The following KCNAB1 variants were observed in gnomAD, a reference collection of about 807,000 sequenced individuals.
KCNAB1 encodes the protein potassium voltage-gated channel subfamily A regulatory beta subunit 1, also known as voltage-gated potassium channel subunit beta-1.
A neutral mutation model predicts 64.6 loss-of-function variants in KCNAB1; 35 were observed. That is an observed-to-expected ratio of 0.54 (90% CI 0.41 to 0.72). The LOEUF (loss-of-function observed/expected upper bound fraction) is 0.72. Among genes scored for constraint, KCNAB1 ranks in the 30% least tolerant of loss-of-function variants. The probability of loss-of-function intolerance (pLI) is 0.00; values close to 1 mark genes in which losing one functional copy is unlikely to be tolerated. For synonymous variants in KCNAB1, 177 were observed against 183.8 expected (o/e 0.96, Z 0.30); for missense variants, 401 against 512.9 (o/e 0.78, Z 2.11).
intron 1 of KCNAB1, among the ~76,000 whole-genome samples, chr3:156,363,422 A>G (rs1725737844): frequency 6.6e-6 from 1 of 152,172 alleles, no homozygotes; most frequent in African/African-American, 2.4e-5. Flanking sequence ...CTGATCAAGC[A>G]TATTGCTTAA....
chr3:156,227,512 T>G (rs981389085), intron 1 of KCNAB1, among the ~76,000 whole-genome samples: 4 of 152,252 alleles, frequency 2.6e-5, no homozygotes, highest in Admixed American at 2.6e-4. Flanking sequence ...TGTACTATTT[T>G]TATATGCAAA....
At chr3:156,247,579 G>A (rs1375981861) in intron 1 of KCNAB1, among the ~76,000 whole-genome samples, 3 of 151,936 alleles carry the variant, frequency 2.0e-5, no homozygotes, top group Non-Finnish European at 4.4e-5. Context: ...GCGGGGGAGA[G>A]GAAGATAGTG....
chr3:156,507,204 C>G (rs1716885058), intron 8 of KCNAB1, among the ~76,000 whole-genome samples: 1 of 152,186 alleles, frequency 6.6e-6, no homozygotes, highest in Non-Finnish European at 1.5e-5. Context: ...TCTTCCTCAA[C>G]AAAATGGGAT....
intron 12 of KCNAB1, 182 bp downstream of exon 12, chr3:156,524,129 T>G (rs1718134433): frequency 5.2e-6 from 3 of 571,772 alleles, no homozygotes; most frequent in Non-Finnish European, 8.7e-6. Context: ...TTCTACATGA[T>G]AGCAAATTTT....
chr3:156,152,956 C>A (rs370846176), intron 1 of KCNAB1, among the ~76,000 whole-genome samples: 1 of 152,276 alleles, frequency 6.6e-6, no homozygotes, highest in African/African-American at 2.4e-5. Context: ...TTCCTTTTGG[C>A]GCACTTATTT....
Position 156,425,286 on chromosome 3 carries a change from T to A in KCNAB1, c.319+3627T>A, listed in dbSNP as rs75504811. Among the ~76,000 whole-genome samples, 885 of 152,342 alleles carry A rather than the reference T, an allele frequency of 5.8e-3. 13 individuals are homozygous for A. Among genetic ancestry groups the A allele is most frequent in the African/African-American group, 0.02 (847 of 41,580 alleles). On this transcript the variant is annotated intron_variant, in intron 2 of 13. Coordinates refer to ENST00000490337, the MANE Select transcript of KCNAB1 (RefSeq NM_172160.3). ...AGCTAACAATTCTGACTTTCTTCTC[T>A]ACCAGAGAAGGGGCAGCCGGAAATT...
At position 156,536,805 on chromosome 3, in the gene KCNAB1, G is replaced by C; in HGVS notation, c.*58G>C. On this transcript the variant is annotated 3_prime_UTR_variant, in exon 14 of 14. Transcript: ENST00000490337. ...AAAATAGCGGCCTGTGCCCAGTACAGAAAGGTGTTACTAACCAGTCTTTTG... is the reference window on the plus strand; with the variant it reads ...AAAATAGCGGCCTGTGCCCAGTACACAAAGGTGTTACTAACCAGTCTTTTG... The C allele has an allele frequency of 8.4e-7, 1 of 1,190,054 alleles. No individual in the cohort carries two copies. The highest frequency in any genetic ancestry group is 1.3e-6 in the Non-Finnish European group (1 of 796,004). The allele number at this position is 1,190,054 out of a possible 1,614,324, so 73.7% of individuals were successfully genotyped here.
Position 156,200,826 on chromosome 3 carries a change from G to A in KCNAB1, c.275+79940G>A, listed in dbSNP as rs142486197. 4.1e-3 allele frequency among the ~76,000 whole-genome samples: 631 copies of A among 152,296 alleles called. 6 individuals carry two copies. The highest frequency in any genetic ancestry group is 5.0e-3 in the Admixed American group (77 of 15,290). ...CTTTTCCAGCGGAGTGAATGGTTCT[G>A]TTTTGCTATGGTTCCAGGTGCCACT... On this transcript the variant is annotated intron_variant, in intron 1 of 13. Coordinates refer to ENST00000490337, the MANE Select transcript of KCNAB1 (RefSeq NM_172160.3).
intron 9 of KCNAB1, 134 bp from the exon 10 acceptor site, chr3:156,514,966 T>C (rs998527003): frequency 3.7e-6 from 3 of 805,262 alleles, no homozygotes; most frequent in African/African-American, 3.5e-5. Context: ...ACAAATTTGC[T>C]TATTATTTGG....
In KCNAB1 at chr3:156,120,810, G is replaced by C. The variant is rs368292882; in HGVS notation, c.199G>C (p.Glu67Gln). Residue 67 changes from glutamate (E) to glutamine (Q), a missense_variant, in exon 1 of 14, where the codon GAG becomes CAG. Coordinates refer to ENST00000490337, the MANE Select transcript of KCNAB1 (RefSeq NM_172160.3). The stretch of plus-strand genomic sequence containing the variant: ...TCAACTGGCTCTGCTGCGCGAAGTG[G>C]AGATGAACTGGTACCTAAAGCTCTG... Reference protein sequence around the residue: ...ARQLALLREVEMNWYLKLCDL... With the variant: ...ARQLALLREVQMNWYLKLCDL... 1.9e-6 allele frequency: 3 copies of C among 1,614,134 alleles called. No individual in the cohort carries two copies. The highest frequency in any genetic ancestry group is 1.3e-5 in the African/African-American group (1 of 74,938).
At chr3:156,362,041 A>G (rs75495649) in intron 1 of KCNAB1, among the ~76,000 whole-genome samples, 1,531 of 152,344 alleles carry the variant, frequency 0.01, 14 homozygotes, top group Non-Finnish European at 0.017. Flanking sequence ...TTAAAATACA[A>G]TTGTAAAAAA....
chr3:156,186,391 T>TC (rs1320767993), intron 1 of KCNAB1, among the ~76,000 whole-genome samples: 1 of 152,164 alleles, frequency 6.6e-6, no homozygotes, highest in African/African-American at 2.4e-5. Context: ...CATCAGTGGT[T>TC]CCCTTCCTGT....
rs150951592 is a variant in KCNAB1, at chr3:156,409,993, A to G, written c.276-11623A>G. 1.3e-3 allele frequency among the ~76,000 whole-genome samples: 201 copies of G among 152,362 alleles called. 2 individuals are homozygous for G. Among genetic ancestry groups the G allele is most frequent in the Non-Finnish European group, 1.5e-3 (100 of 68,034 alleles). On this transcript the variant is annotated intron_variant, in intron 1 of 13. Transcript: ENST00000490337. ...AAAGTCATTTACTAGCTCTTGATGCATCTTAGTAGCTACTGAGTAAGCATG... is the reference window on the plus strand; with the variant it reads ...AAAGTCATTTACTAGCTCTTGATGCGTCTTAGTAGCTACTGAGTAAGCATG...
chr3:156,420,720 GGCACCC>G (rs1330779524), intron 1 of KCNAB1, among the ~76,000 whole-genome samples: 3 of 152,126 alleles, frequency 2.0e-5, no homozygotes, highest in African/African-American at 7.2e-5. Flanking sequence ...AATGCTATGA[GGCACCC>G]TGTCTCTGAG....
chr3:156,426,278 C>T (rs1715809712), intron 2 of KCNAB1, among the ~76,000 whole-genome samples: 1 of 152,138 alleles, frequency 6.6e-6, no homozygotes, highest in Admixed American at 6.5e-5. Context: ...AAGCAGCCCA[C>T]TTTTTCTGCA....
At chr3:156,519,883 C>T (rs1717824233) in intron 11 of KCNAB1, among the ~76,000 whole-genome samples, 1 of 152,186 alleles carries the variant, frequency 6.6e-6, no homozygotes. Flanking sequence ...AGGTCATGTG[C>T]CACCCTGTGA....
At chr3:156,519,117 C>A (rs1365274007) in intron 11 of KCNAB1, among the ~76,000 whole-genome samples, 2 of 152,222 alleles carry the variant, frequency 1.3e-5, no homozygotes, top group Middle Eastern at 3.2e-3. Flanking sequence ...CCATTTCTTA[C>A]AAGATTTACT....
Position 156,465,694 on chromosome 3 carries a change from C to T in KCNAB1, c.571+8C>T. The T allele has an allele frequency of 3.1e-6, 5 of 1,609,760 alleles. No individual in the cohort carries two copies. Among genetic ancestry groups the T allele is most frequent in the Non-Finnish European group, 4.3e-6 (5 of 1,176,190 alleles). ...GAAAGCATATTATTGAAGGTGGGTA[C>T]TTCTGCTTCAATTTTATTTTTGGTT... On this transcript the variant is annotated splice_region_variant and intron_variant, in intron 7 of 13. Coordinates refer to ENST00000490337, the MANE Select transcript of KCNAB1 (RefSeq NM_172160.3).
intron 3 of KCNAB1, 95 bp downstream of exon 3, chr3:156,453,031 G>A: frequency 1.4e-6 from 1 of 729,680 alleles, no homozygotes; most frequent in Non-Finnish European, 2.3e-6. Flanking sequence ...ACACTCTACA[G>A]GGATAAGGTT....
Sources: allele counts gnomAD v4.1 joint callset (sites outside exome capture counted in the v4.1 genomes callset), GRCh38; gene constraint gnomAD v4.1.1; transcripts MANE v1.5; gene names NCBI Gene and HGNC (gene_info 2026-07-23, HGNC 2026-07-21).